The following PRR36 variants were observed in gnomAD, a reference collection of about 807,000 sequenced individuals.
PRR36 encodes proline rich 36.
A neutral mutation model predicts 58.6 loss-of-function variants in PRR36; 30 were observed. The observed-to-expected ratio is 0.51, with a 90% CI of 0.38 to 0.69. The LOEUF (loss-of-function observed/expected upper bound fraction) is 0.69, where lower values mean the gene tolerates loss of function less well. Among genes scored for constraint, PRR36 ranks in the 30% least tolerant of loss-of-function variants. The pLI, the probability that PRR36 is intolerant of heterozygous loss-of-function variation, is 0.00. For missense variants in PRR36, 1,692 were observed against 1,805.6 expected, an observed-to-expected ratio of 0.94 and a Z score of 1.14; for synonymous variants, 771 against 829.3, an observed-to-expected ratio of 0.93 and a Z score of 1.21.
Position 7,873,429 on chromosome 19 carries a change from G to C in PRR36, c.261C>G (p.Ser87=), listed in dbSNP as rs1234944827. ...AGGAGGCTGGGGTACCAGGGTTTCGGGAACTTGTCCCAGCACTCCGCGTTG... is the reference window on the plus strand; with the variant it reads ...AGGAGGCTGGGGTACCAGGGTTTCGCGAACTTGTCCCAGCACTCCGCGTTG... ...AGPTRSAGTS[S]RNPASRPPAS... The change falls in exon 2 of 6, where the codon TCC becomes TCG. Residue 87 remains serine (S), a synonymous_variant. Coordinates refer to ENST00000618550, the MANE Select transcript of PRR36 (RefSeq NM_001190467.2). The surrounding 1 kb of genome is among the most constrained non-coding windows in gnomAD (Gnocchi z 5.0). 1 of 1,531,532 alleles carries C rather than the reference G, an allele frequency of 6.5e-7. No homozygotes were observed. 94.9% of individuals were successfully genotyped at this position (1,531,532 alleles called of 1,614,324 possible). A position where few individuals can be genotyped will look rare whatever the true frequency, so the allele number is the denominator to read the frequency against.
chr19:7,873,625 G>A lies in PRR36; in HGVS notation c.65C>T (p.Pro22Leu), dbSNP rs1299528267. Reference protein sequence around the residue: ...AAARTPAARAPGLLTPRPPGS... With the variant: ...AAARTPAARALGLLTPRPPGS... ...TGGGGGCCTGGGGGTCAGAAGTCCA[G>A]GAGCGCGAGCAGCCGGCGTCCGCGC... Residue 22 changes from proline (P) to leucine (L), a missense_variant, in exon 2 of 6, where the codon CCT becomes CTT. By Grantham distance (98) the Pro-to-Leu change is moderately conservative (BLOSUM62 -3). Transcript: ENST00000618550. The surrounding 1 kb of genome is among the most constrained non-coding windows in gnomAD (Gnocchi z 5.0). 6.5e-7 allele frequency: 1 copy of A among 1,535,248 alleles called. No individual in the cohort carries two copies. Among genetic ancestry groups the A allele is most frequent in the Non-Finnish European group, 8.7e-7 (1 of 1,146,724 alleles).
In PRR36 at chr19:7,872,183, G is replaced by A. The variant is rs1031952614; in HGVS notation, c.1061C>T (p.Pro354Leu). 5 of 1,465,468 alleles carry A rather than the reference G, an allele frequency of 3.4e-6. No individual in the cohort carries two copies. Among genetic ancestry groups the A allele is most frequent in the Non-Finnish European group, 4.5e-6 (5 of 1,111,022 alleles). 90.8% of individuals were successfully genotyped at this position (1,465,468 alleles called of 1,614,324 possible). The part of the protein sequence containing the change: ...ALQSQAPPTL[P>L]ATPHSSSLTC... The stretch of plus-strand genomic sequence containing the variant: ...AAGGCTCGACGAGTGGGGCGTGGCC[G>A]GCAGGGTGGGCGGGGCCTGACTTTG... The change falls in exon 5 of 6, where the codon CCG becomes CTG. Residue 354 changes from proline (P) to leucine (L), a missense_variant. By Grantham distance (98) the Pro-to-Leu change is moderately conservative. Transcript: ENST00000618550. The surrounding 1 kb of genome is among the most constrained non-coding windows in gnomAD (Gnocchi z 6.1).
At position 7,868,754 on chromosome 19, in the gene PRR36, A is replaced by T; in HGVS notation, c.*279T>A. ...AGTGTCCCAGTTTTATTGCAAACTCAGGCTGTGCGGGGTGGGCAATACACT... is the reference window on the plus strand; with the variant it reads ...AGTGTCCCAGTTTTATTGCAAACTCTGGCTGTGCGGGGTGGGCAATACACT... On this transcript the variant is annotated 3_prime_UTR_variant, in exon 6 of 6. Coordinates refer to ENST00000618550, the MANE Select transcript of PRR36 (RefSeq NM_001190467.2). 2.7e-6 allele frequency: 1 copy of T among 366,924 alleles called. No homozygotes were observed. Among genetic ancestry groups the T allele is most frequent in the Non-Finnish European group, 4.9e-6 (1 of 203,482 alleles). 22.7% of individuals were successfully genotyped at this position (366,924 alleles called of 1,614,324 possible).
At position 7,873,833 on chromosome 19, in the gene PRR36, G is replaced by T; in HGVS notation, c.-7-137C>A. ...CAAACCTCGGCCTCGGCTTCCATCC[G>T]CTCGGCTCCCACGCACCTACACCCA... On this transcript the variant is annotated intron_variant, in intron 1 of 5. Coordinates refer to ENST00000618550, the MANE Select transcript of PRR36 (RefSeq NM_001190467.2). The surrounding 1 kb of genome is among the most constrained non-coding windows in gnomAD (Gnocchi z 5.0). The T allele has an allele frequency of 1.2e-6, 1 of 811,486 alleles. No homozygotes were observed. Among genetic ancestry groups the T allele is most frequent in the Non-Finnish European group, 1.9e-6 (1 of 538,674 alleles). The allele number at this position is 811,486 out of a possible 1,614,324, so 50.3% of individuals were successfully genotyped here.
In PRR36 at chr19:7,872,821, G is replaced by A. The variant is rs1373793722; in HGVS notation, c.487+28C>T. The A allele has an allele frequency of 2.0e-6, 3 of 1,532,546 alleles. No individual in the cohort carries two copies. Among genetic ancestry groups the A allele is most frequent in the Non-Finnish European group, 2.6e-6 (3 of 1,145,164 alleles). 94.9% of individuals were successfully genotyped at this position (1,532,546 alleles called of 1,614,324 possible). A position where few individuals can be genotyped will look rare whatever the true frequency, so the allele number is the denominator to read the frequency against. Reference sequence around the variant, plus strand: ...TGAGGCGGCTCCCCTTGCTGCCCAGGAACCCCACTCTTCTCCAGGTCACGT... The same window carrying A: ...TGAGGCGGCTCCCCTTGCTGCCCAGAAACCCCACTCTTCTCCAGGTCACGT... On this transcript the variant is annotated intron_variant, in intron 4 of 5. Transcript: ENST00000618550. The surrounding 1 kb of genome is among the most constrained non-coding windows in gnomAD (Gnocchi z 6.1).
chr19:7,872,846 T>C lies in PRR36; in HGVS notation c.487+3A>G. 1.3e-6 allele frequency: 2 copies of C among 1,535,574 alleles called. No homozygotes were observed. The highest frequency in any genetic ancestry group is 2.4e-5 in the East Asian group (1 of 40,894). ...GAACCCCACTCTTCTCCAGGTCACGTACCTCTCCGTGCCCCAGCGCTGAGG... is the reference window on the plus strand; with the variant it reads ...GAACCCCACTCTTCTCCAGGTCACGCACCTCTCCGTGCCCCAGCGCTGAGG... On this transcript the variant is annotated splice_donor_region_variant and intron_variant, in intron 4 of 5. Coordinates refer to ENST00000618550, the MANE Select transcript of PRR36 (RefSeq NM_001190467.2). The surrounding 1 kb of genome is among the most constrained non-coding windows in gnomAD (Gnocchi z 6.1).
In PRR36 at chr19:7,868,983, G is replaced by A. The variant is rs1280639545; in HGVS notation, c.*50C>T. ...TAAAACAAACGGCGTACCCGGAGGGGCGGATCCTAAGGCAGGGGTGGGGTG... is the reference window on the plus strand; with the variant it reads ...TAAAACAAACGGCGTACCCGGAGGGACGGATCCTAAGGCAGGGGTGGGGTG... On this transcript the variant is annotated 3_prime_UTR_variant, in exon 6 of 6. Coordinates refer to ENST00000618550, the MANE Select transcript of PRR36 (RefSeq NM_001190467.2). The A allele has an allele frequency of 6.9e-7, 1 of 1,459,048 alleles. No homozygotes were observed. The highest frequency in any genetic ancestry group is 9.0e-7 in the Non-Finnish European group (1 of 1,107,458). The allele number at this position is 1,459,048 out of a possible 1,614,324, so 90.4% of individuals were successfully genotyped here. A position where few individuals can be genotyped will look rare whatever the true frequency, so the allele number is the denominator to read the frequency against.
chr19:7,871,684 C>T lies in PRR36; in HGVS notation c.1560G>A (p.Leu520=). ...ATGTGGCCAGAAGAGGAGAGTCCTG[C>T]AGAGGAAGAGTGGCCAGAGTGTGGG... ...ATPHTLATLP[L]QDSPLLATLP... The change falls in exon 5 of 6, where the codon CTG becomes CTA. Residue 520 remains leucine, a synonymous_variant. Transcript: ENST00000618550. 1.3e-6 allele frequency: 2 copies of T among 1,535,960 alleles called. No homozygotes were observed. The highest frequency in any genetic ancestry group is 1.7e-6 in the Non-Finnish European group (2 of 1,146,840).
chr19:7,872,023 T>A lies in PRR36; in HGVS notation c.1221A>T (p.Pro407=), dbSNP rs1277498227. ...TGGCCAGGGAAGAGACGCCTGCTTC[T>A]GGAAAGGACATAATCAGCTGTGTGG... ...VPPTQLIMSF[P]EAGVSSLATA... Residue 407 remains proline (P), a synonymous_variant, in exon 5 of 6, where the codon CCA becomes CCT. Coordinates refer to ENST00000618550, the MANE Select transcript of PRR36 (RefSeq NM_001190467.2). This position sits in a 1 kb window ranked among gnomAD's most constrained non-coding sequence, Gnocchi z 6.1. 1 of 1,533,170 alleles carries A rather than the reference T, an allele frequency of 6.5e-7. No homozygotes were observed. Among genetic ancestry groups the A allele is most frequent in the Non-Finnish European group, 8.7e-7 (1 of 1,146,228 alleles). The allele number at this position is 1,533,170 out of a possible 1,614,324, so 95.0% of individuals were successfully genotyped here. A position where few individuals can be genotyped will look rare whatever the true frequency, so the allele number is the denominator to read the frequency against.
In PRR36 at chr19:7,870,470, G is replaced by A. The variant is rs1250209895; in HGVS notation, c.2774C>T (p.Pro925Leu). 1.6e-4 allele frequency: 195 copies of A among 1,193,148 alleles called. No homozygotes were observed. Among genetic ancestry groups the A allele is most frequent in the Non-Finnish European group, 1.9e-4 (184 of 954,624 alleles). The allele number at this position is 1,193,148 out of a possible 1,614,324, so 73.9% of individuals were successfully genotyped here. A position where few individuals can be genotyped will look rare whatever the true frequency, so the allele number is the denominator to read the frequency against. ...AGGGGGAGAGGGTGGGACCTGCAGA[G>A]GAGGTGCGGCTAGAGAGGGTGGGGC... ...SQAPPSLAAP[P>L]LQVPPSPPAS... Residue 925 changes from proline to leucine, a missense_variant, in exon 5 of 6, where the codon CCT becomes CTT. By Grantham distance (98) the Pro-to-Leu change is moderately conservative. Transcript: ENST00000618550.
Position 7,872,187 on chromosome 19 carries a change from G to A in PRR36, c.1057C>T (p.Leu353=). ...AALQSQAPPT[L]PATPHSSSLT... is the part of the protein sequence containing the mutation. ...CTCGACGAGTGGGGCGTGGCCGGCA[G>A]GGTGGGCGGGGCCTGACTTTGGAGA... The change falls in exon 5 of 6, where the codon CTG becomes TTG. Residue 353 remains leucine, a synonymous_variant. Coordinates refer to ENST00000618550, the MANE Select transcript of PRR36 (RefSeq NM_001190467.2). The surrounding 1 kb of genome is among the most constrained non-coding windows in gnomAD (Gnocchi z 6.1). The A allele has an allele frequency of 1.4e-6, 2 of 1,467,482 alleles. No individual in the cohort carries two copies. Among genetic ancestry groups the A allele is most frequent in the Non-Finnish European group, 1.8e-6 (2 of 1,112,024 alleles). 90.9% of individuals were successfully genotyped at this position (1,467,482 alleles called of 1,614,324 possible).
Position 7,871,079 on chromosome 19 carries a change from AGAGAGG to A in PRR36, c.2159_2164del (p.Pro720_Ser721del). 1.3e-6 allele frequency: 2 copies of A among 1,526,032 alleles called. No individual in the cohort carries two copies. Among genetic ancestry groups the A allele is most frequent in the Non-Finnish European group, 1.8e-6 (2 of 1,142,322 alleles). The allele number at this position is 1,526,032 out of a possible 1,614,324, so 94.5% of individuals were successfully genotyped here. A position where few individuals can be genotyped will look rare whatever the true frequency, so the allele number is the denominator to read the frequency against. On this transcript the variant is annotated inframe_deletion, in exon 5 of 6. Transcript: ENST00000618550. ...GGTCAGGGAAGCAGGAGGTGTCTGC[AGAGAGG>A]GTGGGGCTAGGGAAGATTGGGTCTC...
At position 7,873,359 on chromosome 19, in the gene PRR36, G is replaced by C. The variant is rs1370573749; in HGVS notation, c.271+60C>G. 5.9e-6 allele frequency: 9 copies of C among 1,518,740 alleles called. No individual in the cohort carries two copies. The highest frequency in any genetic ancestry group is 7.0e-6 in the Non-Finnish European group (8 of 1,136,648). 94.1% of individuals were successfully genotyped at this position (1,518,740 alleles called of 1,614,324 possible). A position where few individuals can be genotyped will look rare whatever the true frequency, so the allele number is the denominator to read the frequency against. On this transcript the variant is annotated intron_variant, in intron 2 of 5. Coordinates refer to ENST00000618550, the MANE Select transcript of PRR36 (RefSeq NM_001190467.2). This position sits in a 1 kb window ranked among gnomAD's most constrained non-coding sequence, Gnocchi z 5.0. ...AGAGGTGGCAGTGGAGGTGAGACTG[G>C]ACAGGTATTGGAAGGGGGAGGGAAG...
chr19:7,873,227 G>A lies in PRR36; in HGVS notation c.344C>T (p.Ser115Phe). 1 of 1,536,078 alleles carries A rather than the reference G, an allele frequency of 6.5e-7. No homozygotes were observed. The highest frequency in any genetic ancestry group is 8.7e-7 in the Non-Finnish European group (1 of 1,146,868). ...PAKNTSPGPV[S>F]SPGRASGTTR... ...GGTCCCGCTGGCACGCCCTGGGCTA[G>A]AAACAGGGCCTGGGCTGGTGTTCTT... Residue 115 changes from serine to phenylalanine, a missense_variant, in exon 3 of 6, where the codon TCT (serine) becomes TTT (phenylalanine). By Grantham distance (155) the Ser-to-Phe change is radical. Coordinates refer to ENST00000618550, the MANE Select transcript of PRR36 (RefSeq NM_001190467.2). This position sits in a 1 kb window ranked among gnomAD's most constrained non-coding sequence, Gnocchi z 5.0.
Position 7,870,180 on chromosome 19 carries a change from G to C in PRR36, c.3064C>G (p.Leu1022Val). Residue 1022 changes from leucine (L) to valine (V), a missense_variant, in exon 5 of 6, where the codon CTT becomes GTT. Leu to Val is a conservative substitution (Grantham distance 32). Coordinates refer to ENST00000618550, the MANE Select transcript of PRR36 (RefSeq NM_001190467.2). The part of the protein sequence containing the change: ...PALATPPLQA[L>V]PSPPASFPGQ... ...GGGAATGAGGCAGGCGGAGAGGGAA[G>C]GGCCTGCAGAGGAGGTGTGGCCAGA... is the stretch of plus-strand genomic sequence containing the variant. 1.4e-6 allele frequency: 2 copies of C among 1,426,660 alleles called. No homozygotes were observed. The allele number at this position is 1,426,660 out of a possible 1,614,324, so 88.4% of individuals were successfully genotyped here.
chr19:7,873,636 AGCCGGCGTCCGCGCGGCG>A lies in PRR36; in HGVS notation c.36_53del (p.Ala14_Ala19del). On this transcript the variant is annotated inframe_deletion, in exon 2 of 6. Transcript: ENST00000618550. The surrounding 1 kb of genome is among the most constrained non-coding windows in gnomAD (Gnocchi z 5.0). The stretch of plus-strand genomic sequence containing the variant: ...GGGTCAGAAGTCCAGGAGCGCGAGC[AGCCGGCGTCCGCGCGGCG>A]GCCCCTGCCTTCGCCTTGTCTCTCT... 2.0e-6 allele frequency: 3 copies of A among 1,535,264 alleles called. No individual in the cohort carries two copies. The highest frequency in any genetic ancestry group is 2.6e-6 in the Non-Finnish European group (3 of 1,146,718).
intron 5 of PRR36, 84 bp from the exon 6 acceptor site, chr19:7,869,628 C>T (rs1183784911): frequency 1.0e-5 from 15 of 1,449,112 alleles, no homozygotes; most frequent in Middle Eastern, 2.4e-4. Context: ...CTAAGCTCCG[C>T]CCCGGACCCA....
chr19:7,869,068 C>G lies in PRR36; in HGVS notation c.4006G>C (p.Asp1336His). 1 of 1,533,266 alleles carries G rather than the reference C, an allele frequency of 6.5e-7. No individual in the cohort carries two copies. The highest frequency in any genetic ancestry group is 1.2e-5 in the South Asian group (1 of 83,690). The allele number at this position is 1,533,266 out of a possible 1,614,324, so 95.0% of individuals were successfully genotyped here. A position where few individuals can be genotyped will look rare whatever the true frequency, so the allele number is the denominator to read the frequency against. ...SPDDVASPQG[D>H]WTVVEVETFH ...GTCTCCACCTCCACCACGGTCCAGT[C>G]ACCCTGCGGGGAGGCCACGTCGTCC... Residue 1336 changes from aspartate to histidine, a missense_variant, in exon 6 of 6, where the codon GAC (aspartate) becomes CAC (histidine). Asp to His is a moderately conservative substitution (Grantham distance 81). Around this residue, in one of 5 missense-constraint regions of PRR36, gnomAD observed 485 missense variants for 549.2 expected, o/e 0.88. Transcript: ENST00000618550.
In PRR36 at chr19:7,869,298, T is replaced by C; in HGVS notation, c.3776A>G (p.His1259Arg). 6.9e-7 allele frequency: 1 copy of C among 1,442,690 alleles called. No individual in the cohort carries two copies. Among genetic ancestry groups the C allele is most frequent in the Non-Finnish European group, 9.0e-7 (1 of 1,108,824 alleles). The allele number at this position is 1,442,690 out of a possible 1,614,324, so 89.4% of individuals were successfully genotyped here. A position where few individuals can be genotyped will look rare whatever the true frequency, so the allele number is the denominator to read the frequency against. ...CAGCAGCAGCGTCCGGCTCAGCAGG[T>C]GCTGCACGACGCTCGCCTGCAGCGC... Reference protein sequence around the residue: ...LGALQASVVQHLLSRTLLLAA... With the variant: ...LGALQASVVQRLLSRTLLLAA... Residue 1259 changes from histidine to arginine, a missense_variant, in exon 6 of 6, where the codon CAC (histidine) becomes CGC (arginine). By Grantham distance (29) the His-to-Arg change is conservative. Around this residue, in one of 5 missense-constraint regions of PRR36, gnomAD observed 485 missense variants for 549.2 expected, o/e 0.88. Coordinates refer to ENST00000618550, the MANE Select transcript of PRR36 (RefSeq NM_001190467.2).
Sources: gnomAD v4.1 joint callset for allele counts on GRCh38, gnomAD v4.1.1 for gene constraint, gnomAD v4.1.1 regional missense constraint, Gnocchi (gnomAD v3.1) non-coding constraint, MANE v1.5 for transcripts, NCBI Gene and HGNC (gene_info 2026-07-23, HGNC 2026-07-21) for gene names.